GPC1: variants seen among roughly 807,000 people sequenced by gnomAD.
GPC1 encodes the protein glypican 1.
A neutral mutation model predicts 51.5 loss-of-function variants in GPC1; 26 were observed. The observed-to-expected ratio is 0.50, with a 90% confidence interval of 0.37 to 0.70. The LOEUF is 0.70. Ranked by LOEUF, GPC1 falls within the 30% of genes least tolerant of loss-of-function variation. The pLI is 0.00. For synonymous variants in GPC1, 380 were observed against 348.3 expected, an observed-to-expected ratio of 1.09 and a Z score of -1.01; for missense variants, 775 against 800.5, an observed-to-expected ratio of 0.97 and a Z score of 0.38.
chr2:240,458,786 C>T, intron 1 of GPC1: 1 of 504,226 alleles, frequency 2.0e-6, no homozygotes, highest in Non-Finnish European at 3.5e-6. Context: ...AAGGGGCCTC[C>T]TGCCCTGTAG....
chr2:240,465,446 C>A (rs1434395452), intron 7 of GPC1, 27 bp from the exon 8 acceptor site: 1 of 1,609,018 alleles, frequency 6.2e-7, no homozygotes. Context: ...GGAGCAGTGA[C>A]CTGGGCTCTG....
chr2:240,462,525 T>G lies in GPC1; in HGVS notation c.660T>G (p.Ala220=), dbSNP rs376321914. The G allele has an allele frequency of 3.7e-5, 59 of 1,580,658 alleles. No individual in the cohort carries two copies. The highest frequency in any genetic ancestry group is 5.1e-5 in the Non-Finnish European group (59 of 1,164,914). The change falls in exon 3 of 9, where the codon GCT becomes GCG. Residue 220 remains alanine, a synonymous_variant. Coordinates refer to ENST00000264039, the MANE Select transcript of GPC1 (RefSeq NM_002081.3). ...GGGCCACCCGTGCCTTCGTGGCTGCTCGCTCCTTTGTGCAGGGCCTGGGCG... is the reference window on the plus strand; with the variant it reads ...GGGCCACCCGTGCCTTCGTGGCTGCGCGCTCCTTTGTGCAGGGCCTGGGCG... The part of the protein sequence containing the change: ...RLRATRAFVA[A]RSFVQGLGVA...
intron 1 of GPC1, among the ~76,000 whole-genome samples, chr2:240,455,362 G>A (rs1239718520): frequency 6.6e-6 from 1 of 152,226 alleles, no homozygotes. Flanking sequence ...GGGAAGAGAG[G>A]GTCCAGTCCC....
At chr2:240,455,078 A>G in intron 1 of GPC1, 1 of 172,138 alleles carries the variant, frequency 5.8e-6, no homozygotes, top group Non-Finnish European at 1.4e-5. Context: ...GGGGTGGTCC[A>G]GAACCGTCAG....
intron 1 of GPC1, 56 bp downstream of exon 1, chr2:240,436,140 C>T: frequency 8.8e-7 from 1 of 1,132,178 alleles, no homozygotes; most frequent in Non-Finnish European, 1.1e-6. Flanking sequence ...GGGCTCCGGA[C>T]CCTGGTCTTC....
intron 1 of GPC1, among the ~76,000 whole-genome samples, chr2:240,436,531 G>A (rs1486849287): frequency 6.6e-6 from 1 of 152,184 alleles, no homozygotes; most frequent in Non-Finnish European, 1.5e-5. Context: ...TCGGGGCGCC[G>A]CTGACGGTGG....
chr2:240,440,820 C>T (rs904651026), intron 1 of GPC1, among the ~76,000 whole-genome samples: 5 of 152,232 alleles, frequency 3.3e-5, no homozygotes, highest in Non-Finnish European at 7.3e-5. Context: ...CCCAGCTCCT[C>T]CTGGCCGTGC....
chr2:240,445,118 C>T (rs192461220), intron 1 of GPC1, among the ~76,000 whole-genome samples: 7 of 152,288 alleles, frequency 4.6e-5, no homozygotes, highest in Admixed American at 1.3e-4. Flanking sequence ...CCGAGCCTGG[C>T]GGGGGGCTGT....
chr2:240,461,620 C>T lies in GPC1; in HGVS notation c.326-571C>T, dbSNP rs528102772. 3.9e-5 allele frequency among the ~76,000 whole-genome samples: 6 copies of T among 152,248 alleles called. No individual in the cohort carries two copies. In the East Asian group the frequency reaches 7.7e-4, roughly 20 times the overall value. ...GCCCCCCAGAGCCCTCAGACAGGCC[C>T]GGGGTGCTCACAGCTGAAGCTTCTA... On this transcript the variant is annotated intron_variant, in intron 2 of 8. Coordinates refer to ENST00000264039, the MANE Select transcript of GPC1 (RefSeq NM_002081.3).
chr2:240,451,665 C>T (rs764911651), intron 1 of GPC1: 5 of 211,126 alleles, frequency 2.4e-5, no homozygotes, highest in East Asian at 1.6e-4. Context: ...GCAGGAGGTT[C>T]GTGACACAAA....
chr2:240,462,433 G>A lies in GPC1; in HGVS notation c.568G>A (p.Asp190Asn). 2 of 1,606,142 alleles carry A rather than the reference G, an allele frequency of 1.2e-6. No homozygotes were observed. Residue 190 changes from aspartate to asparagine, a missense_variant, in exon 3 of 9, where the codon GAC becomes AAC. Coordinates refer to ENST00000264039, the MANE Select transcript of GPC1 (RefSeq NM_002081.3). ...PQLLLPDDYL[D>N]CLGKQAEALR... is the part of the protein sequence containing the mutation. ...GCTGCTGCTGCCTGATGACTACCTGGACTGCCTGGGCAAGCAGGCCGAGGC... is the reference window on the plus strand; with the variant it reads ...GCTGCTGCTGCCTGATGACTACCTGAACTGCCTGGGCAAGCAGGCCGAGGC...
At chr2:240,459,887 C>T (rs972741448) in intron 2 of GPC1, among the ~76,000 whole-genome samples, 17 of 152,234 alleles carry the variant, frequency 1.1e-4, no homozygotes, top group Admixed American at 9.8e-4. Flanking sequence ...AACACGAGGA[C>T]TTGGTGGAGG....
chr2:240,454,780 AT>A (rs2074141327), intron 1 of GPC1: 1 of 155,114 alleles, frequency 6.4e-6, no homozygotes, highest in Non-Finnish European at 1.4e-5. Flanking sequence ...TTCTGGAGGG[AT>A]GGGCGTGGCG....
At chr2:240,463,005 A>C (rs1266629131) in intron 3 of GPC1, among the ~76,000 whole-genome samples, 1 of 152,262 alleles carries the variant, frequency 6.6e-6, no homozygotes, top group Non-Finnish European at 1.5e-5. Flanking sequence ...TGTCAGACCC[A>C]GCTAAGCTGG....
In GPC1 at chr2:240,462,455, A is replaced by C. The variant is rs1338516298; in HGVS notation, c.590A>C (p.Glu197Ala). ...DYLDCLGKQAEALRPFGEAPR... is the reference protein window; with the variant it reads ...DYLDCLGKQAAALRPFGEAPR... The stretch of plus-strand genomic sequence containing the variant: ...CTGGACTGCCTGGGCAAGCAGGCCG[A>C]GGCGCTGCGGCCCTTCGGGGAGGCC... The change falls in exon 3 of 9, where the codon GAG becomes GCG. Residue 197 changes from glutamate (E) to alanine (A), a missense_variant. Glu to Ala is a moderately radical substitution (Grantham distance 107). Transcript: ENST00000264039. 3 of 1,605,934 alleles carry C rather than the reference A, an allele frequency of 1.9e-6. No homozygotes were observed. Among genetic ancestry groups the C allele is most frequent in the Non-Finnish European group, 2.5e-6 (3 of 1,177,338 alleles).
intron 1 of GPC1, chr2:240,454,987 T>G: frequency 4.5e-6 from 1 of 221,186 alleles, no homozygotes. Flanking sequence ...GGTGGGGACA[T>G]GTCAGCAGGG....
intron 1 of GPC1, among the ~76,000 whole-genome samples, 184 bp downstream of exon 1, chr2:240,436,268 C>T (rs537681953): frequency 8.4e-4 from 128 of 152,220 alleles, no homozygotes; most frequent in African/African-American, 2.9e-3. Context: ...GCCTCCAAGC[C>T]CCGCGCCGCA....
At position 240,462,269 on chromosome 2, in the gene GPC1, C is replaced by A. The variant is rs758147245; in HGVS notation, c.404C>A (p.Thr135Lys). 2 of 1,610,260 alleles carry A rather than the reference C, an allele frequency of 1.2e-6. No homozygotes were observed. The highest frequency in any genetic ancestry group is 2.7e-5 in the African/African-American group (2 of 74,880). The change falls in exon 3 of 9, where the codon ACG becomes AAG. Residue 135 changes from threonine to lysine, a missense_variant. Physicochemically the swap from Thr to Lys is moderately conservative, Grantham distance 78. Transcript: ENST00000264039. ...CCCGGCGCCTTCGGAGAGCTGTACACGCAGAACGCGAGGGCCTTCCGGGAC... is the reference window on the plus strand; with the variant it reads ...CCCGGCGCCTTCGGAGAGCTGTACAAGCAGAACGCGAGGGCCTTCCGGGAC... Reference protein sequence around the residue: ...TFPGAFGELYTQNARAFRDLY... With the variant: ...TFPGAFGELYKQNARAFRDLY...
At chr2:240,457,202 C>CA (rs1275120880) in intron 1 of GPC1, among the ~76,000 whole-genome samples, 2 of 152,160 alleles carry the variant, frequency 1.3e-5, no homozygotes, top group African/African-American at 4.8e-5. Flanking sequence ...TTCCAGAACT[C>CA]AGACAGGAAA....
Sources: allele counts gnomAD v4.1 joint callset (sites outside exome capture counted in the v4.1 genomes callset), GRCh38; gene constraint gnomAD v4.1.1; transcripts MANE v1.5; gene names NCBI Gene and HGNC (gene_info 2026-07-23, HGNC 2026-07-21).